RALGAPB: variants seen among roughly 807,000 people sequenced by gnomAD.
RALGAPB encodes ral GTPase-activating protein subunit beta.
RALGAPB carries 25 observed loss-of-function variants against 161.1 expected under a neutral mutation model. That is an observed-to-expected ratio of 0.16 (90% CI 0.11 to 0.22). The LOEUF is 0.22. Among genes scored for constraint, RALGAPB ranks in the 10% least tolerant of loss-of-function variants. RALGAPB has a pLI of 1.00. For synonymous variants in RALGAPB, 629 were observed against 626.1 expected, an observed-to-expected ratio of 1.00 and a Z score of -0.07; for missense variants, 1,391 against 1,815.2, an observed-to-expected ratio of 0.77 and a Z score of 4.25.
At chr20:38,505,965 C>T (rs2085749625) in intron 5 of RALGAPB, among the ~76,000 whole-genome samples, 1 of 152,166 alleles carries the variant, frequency 6.6e-6, no homozygotes, top group African/African-American at 2.4e-5. Context: ...TCTGTGGGTT[C>T]TGTATCCATG....
intron 2 of RALGAPB, among the ~76,000 whole-genome samples, chr20:38,492,455 AAAGT>A (rs1368614474): frequency 4.7e-4 from 72 of 151,624 alleles, no homozygotes; most frequent in African/African-American, 1.6e-3. Context: ...GAACAGTTGT[AAAGT>A]AAGAGTAAAC....
intron 23 of RALGAPB, among the ~76,000 whole-genome samples, chr20:38,561,473 A>G (rs1292953617): frequency 6.6e-6 from 1 of 152,228 alleles, no homozygotes; most frequent in Non-Finnish European, 1.5e-5. Flanking sequence ...CATTGTATGA[A>G]TGACATCAGT....
At chr20:38,507,263 A>G (rs2085789789) in intron 5 of RALGAPB, among the ~76,000 whole-genome samples, 1 of 152,196 alleles carries the variant, frequency 6.6e-6, no homozygotes, top group Non-Finnish European at 1.5e-5. Context: ...TTAGTTACAC[A>G]AACTTTTTCT....
intron 1 of RALGAPB, among the ~76,000 whole-genome samples, chr20:38,481,680 A>G (rs904542771): frequency 3.9e-5 from 6 of 152,250 alleles, no homozygotes; most frequent in African/African-American, 1.4e-4. Flanking sequence ...ATCAATGTAT[A>G]CATCTTAATC....
At chr20:38,483,440 T>C (rs79341659) in intron 1 of RALGAPB, among the ~76,000 whole-genome samples, 11,141 of 152,206 alleles carry the variant, frequency 0.073, 1,422 homozygotes, top group African/African-American at 0.25. Flanking sequence ...TTGATGGAAG[T>C]TAAATTACAC....
At chr20:38,500,133 CTT>C (rs1398107539) in intron 5 of RALGAPB, 2 of 152,056 alleles carry the variant, frequency 1.3e-5, no homozygotes, top group Non-Finnish European at 2.9e-5. Flanking sequence ...TAAGTACACT[CTT>C]AGGTTCATTT....
chr20:38,572,043 G>T (rs2088259563), intron 28 of RALGAPB, among the ~76,000 whole-genome samples: 1 of 152,140 alleles, frequency 6.6e-6, no homozygotes, highest in African/African-American at 2.4e-5. Flanking sequence ...AAATGGAGAA[G>T]TAGAGGCAAT....
At chr20:38,542,500 AT>A (rs2087004303) in intron 18 of RALGAPB, among the ~76,000 whole-genome samples, 1 of 152,042 alleles carries the variant, frequency 6.6e-6, no homozygotes, top group African/African-American at 2.4e-5. Flanking sequence ...TTAAAAAAAA[AT>A]GTGAATACAG....
rs983350751 is a variant in RALGAPB, at chr20:38,575,575, A to G, written c.*608A>G. The stretch of plus-strand genomic sequence containing the variant: ...GTCATATTTTTTTCTCCACATTTCA[A>G]AAAGTTGTCCTTCTCATCACTGCAC... On this transcript the variant is annotated 3_prime_UTR_variant, in exon 30 of 30. Coordinates refer to ENST00000262879, the MANE Select transcript of RALGAPB (RefSeq NM_020336.4). 3.8e-4 allele frequency: 59 copies of G among 153,982 alleles called. No homozygotes were observed. Among genetic ancestry groups the G allele is most frequent in the Non-Finnish European group, 5.9e-4 (41 of 69,160 alleles). 9.5% of individuals were successfully genotyped at this position (153,982 alleles called of 1,614,324 possible).
intron 5 of RALGAPB, among the ~76,000 whole-genome samples, chr20:38,501,068 G>A (rs1227946402): frequency 6.6e-6 from 1 of 152,180 alleles, no homozygotes; most frequent in Non-Finnish European, 1.5e-5. Context: ...AGAAGCTGCA[G>A]CAAGTGATCC....
At chr20:38,481,283 T>C (rs1464244939) in intron 1 of RALGAPB, among the ~76,000 whole-genome samples, 2 of 152,206 alleles carry the variant, frequency 1.3e-5, no homozygotes, top group Non-Finnish European at 2.9e-5. Flanking sequence ...ACTTATGTTA[T>C]AGTTATTTAT....
intron 3 of RALGAPB, among the ~76,000 whole-genome samples, chr20:38,493,681 G>T (rs939164510): frequency 1.3e-5 from 2 of 152,178 alleles, no homozygotes; most frequent in African/African-American, 4.8e-5. Context: ...TAAAGTTCTG[G>T]TTAGAGCTTT....
intron 5 of RALGAPB, among the ~76,000 whole-genome samples, chr20:38,501,996 CTT>C (rs2085609812): frequency 6.6e-6 from 1 of 152,064 alleles, no homozygotes; most frequent in Non-Finnish European, 1.5e-5. Flanking sequence ...TTTATTAAAA[CTT>C]ATGCATACAA....
intron 10 of RALGAPB, among the ~76,000 whole-genome samples, chr20:38,523,937 T>C (rs1304451373): frequency 6.6e-6 from 1 of 152,172 alleles, no homozygotes; most frequent in Non-Finnish European, 1.5e-5. Flanking sequence ...GATTTGGCAA[T>C]CGAGAGCCCA....
rs1414478439 is a variant in RALGAPB at position 38,554,811 on chromosome 20, C to T, written c.3372+735C>T. Among the ~76,000 whole-genome samples the T allele has an allele frequency of 2.0e-5, 3 of 152,198 alleles. No individual in the cohort carries two copies. The East Asian group carries it at 5.8e-4, about 29-fold the overall frequency. ...ACAATTTTACAGCCAGGTGCGGTGG[C>T]TTATGCCTATAATCCCAACACTTTG... On this transcript the variant is annotated intron_variant, in intron 22 of 29. Transcript: ENST00000262879.
rs768472023 is a variant in RALGAPB at position 38,532,766 on chromosome 20, A to G, written c.2152A>G (p.Thr718Ala). 3 of 1,613,890 alleles carry G rather than the reference A, an allele frequency of 1.9e-6. No individual in the cohort carries two copies. The highest frequency in any genetic ancestry group is 2.2e-5 in the South Asian group (2 of 91,086). ...AAATAACCTGAAGAGTCATAGTCGC[A>G]CCAATAGTGGTATTAGTTCAGCAAG... ...GENNLKSHSR[T>A]NSGISSASGG... The change falls in exon 15 of 30, where the codon ACC becomes GCC. Residue 718 changes from threonine to alanine, a missense_variant. Thr to Ala is a moderately conservative substitution (Grantham distance 58, BLOSUM62 0). This residue lies in a region of RALGAPB where 946 missense variants were observed against 1,257.2 expected (regional missense o/e 0.75). Coordinates refer to ENST00000262879, the MANE Select transcript of RALGAPB (RefSeq NM_020336.4).
chr20:38,473,985 C>G (rs974829284), intron 1 of RALGAPB, among the ~76,000 whole-genome samples: 3 of 152,198 alleles, frequency 2.0e-5, no homozygotes, highest in Non-Finnish European at 2.9e-5. Flanking sequence ...GTTAAACTTG[C>G]AGGTTCCACC....
intron 1 of RALGAPB, among the ~76,000 whole-genome samples, chr20:38,480,278 T>C (rs1320908131): frequency 6.6e-6 from 1 of 151,814 alleles, no homozygotes; most frequent in Non-Finnish European, 1.5e-5. Flanking sequence ...ACCTTCTACA[T>C]ATAGCTTTCT....
At chr20:38,552,342 T>TG (rs2087406499) in intron 21 of RALGAPB, among the ~76,000 whole-genome samples, 1 of 152,148 alleles carries the variant, frequency 6.6e-6, no homozygotes, top group South Asian at 2.1e-4. Context: ...GATTTCACCA[T>TG]GTTGGCCAAG....
Sources: gnomAD v4.1 joint callset for allele counts (sites outside exome capture counted in the v4.1 genomes callset) on GRCh38, gnomAD v4.1.1 for gene constraint, gnomAD v4.1.1 regional missense constraint, MANE v1.5 for transcripts, NCBI Gene and HGNC (gene_info 2026-07-23, HGNC 2026-07-21) for gene names.